The following PLPPR2 variants were observed in gnomAD, a reference collection of about 807,000 sequenced individuals.
PLPPR2 encodes the protein phospholipid phosphatase related 2.
PLPPR2 carries 11 observed loss-of-function variants against 40.3 expected under a neutral mutation model. That is an observed-to-expected ratio of 0.27 (90% CI 0.17 to 0.45). The LOEUF is 0.45. Among genes scored for constraint, PLPPR2 ranks in the 20% least tolerant of loss-of-function variants. The pLI, the probability that PLPPR2 is intolerant of heterozygous loss-of-function variation, is 1.00. For missense variants in PLPPR2, 497 were observed against 640.7 expected (o/e 0.78, Z 2.42); for synonymous variants, 260 against 290.8 (o/e 0.89, Z 1.08).
In PLPPR2 at chr19:11,359,520, G is replaced by T. The variant is rs1205175531; in HGVS notation, c.67-12G>T. Reference sequence around the variant, plus strand: ...CTCTCCGCCACCTCTCCCCGCCCTGGCTTGGTGGCAGTCGGTGCTGCTGGG... The same window carrying T: ...CTCTCCGCCACCTCTCCCCGCCCTGTCTTGGTGGCAGTCGGTGCTGCTGGG... On this transcript the variant is annotated splice_polypyrimidine_tract_variant and intron_variant, in intron 3 of 9. Coordinates refer to ENST00000688289, the MANE Select transcript of PLPPR2 (RefSeq NM_001393892.1). This position sits in a 1 kb window ranked among gnomAD's most constrained non-coding sequence, Gnocchi z 5.6. 6.5e-7 allele frequency: 1 copy of T among 1,527,670 alleles called. No individual in the cohort carries two copies. The highest frequency in any genetic ancestry group is 1.4e-5 in the African/African-American group (1 of 72,620). The allele number at this position is 1,527,670 out of a possible 1,614,324, so 94.6% of individuals were successfully genotyped here.
At chr19:11,357,222 G>C (rs965667516) in intron 2 of PLPPR2, among the ~76,000 whole-genome samples, 2 of 152,080 alleles carry the variant, frequency 1.3e-5, no homozygotes, top group Admixed American at 6.5e-5. Flanking sequence ...TGGAGGAAGC[G>C]ACTCAGGGGA....
rs1282836980 is a variant in PLPPR2, at chr19:11,363,358, G to A, written c.841-355G>A. 6.6e-6 allele frequency among the ~76,000 whole-genome samples: 1 copy of A among 151,992 alleles called. No individual in the cohort carries two copies. Among genetic ancestry groups the A allele is most frequent in the Non-Finnish European group, 1.5e-5 (1 of 68,006 alleles). ...CCAGCTACTCAGGAGGCTGAGGCAA[G>A]AGAGTTGCTTGAATCCAGGAGGTGG... On this transcript the variant is annotated intron_variant, in intron 7 of 9. Transcript: ENST00000688289. This position sits in a 1 kb window ranked among gnomAD's most constrained non-coding sequence, Gnocchi z 4.8.
rs939055906 is a variant in PLPPR2 at position 11,361,088 on chromosome 19, T to C, written c.392-129T>C. 8.2e-7 allele frequency: 1 copy of C among 1,224,298 alleles called. No homozygotes were observed. 75.8% of individuals were successfully genotyped at this position (1,224,298 alleles called of 1,614,324 possible). On this transcript the variant is annotated intron_variant, in intron 5 of 9. Coordinates refer to ENST00000688289, the MANE Select transcript of PLPPR2 (RefSeq NM_001393892.1). This position sits in a 1 kb window ranked among gnomAD's most constrained non-coding sequence, Gnocchi z 6.3. ...TGGTGGTCTTAAAGGAAGGGGGATG[T>C]TGGCACAACTACAGGGTCCCAAGTG...
chr19:11,361,088 T>G lies in PLPPR2; in HGVS notation c.392-129T>G, dbSNP rs939055906. The stretch of plus-strand genomic sequence containing the variant: ...TGGTGGTCTTAAAGGAAGGGGGATG[T>G]TGGCACAACTACAGGGTCCCAAGTG... On this transcript the variant is annotated intron_variant, in intron 5 of 9. Coordinates refer to ENST00000688289, the MANE Select transcript of PLPPR2 (RefSeq NM_001393892.1). This position sits in a 1 kb window ranked among gnomAD's most constrained non-coding sequence, Gnocchi z 6.3. The G allele has an allele frequency of 2.5e-6, 3 of 1,224,180 alleles. No individual in the cohort carries two copies. The African/African-American group carries it at 4.6e-5, about 19-fold the overall frequency. The allele number at this position is 1,224,180 out of a possible 1,614,324, so 75.8% of individuals were successfully genotyped here.
At chr19:11,355,780 G>GT (rs1377272503) in intron 1 of PLPPR2, among the ~76,000 whole-genome samples, 1 of 152,112 alleles carries the variant, frequency 6.6e-6, no homozygotes, top group Admixed American at 6.5e-5. Context: ...GCGGCTGTGG[G>GT]TAACTGTGAT....
rs753287452 is a variant in PLPPR2 at position 11,362,406 on chromosome 19, C to G, written c.664-107C>G. 4.4e-5 allele frequency: 62 copies of G among 1,402,856 alleles called. 1 individual carries two copies. The highest frequency in any genetic ancestry group is 5.1e-5 in the Non-Finnish European group (52 of 1,016,178). 86.9% of individuals were successfully genotyped at this position (1,402,856 alleles called of 1,614,324 possible). On this transcript the variant is annotated intron_variant, in intron 6 of 9. Transcript: ENST00000688289. This position sits in a 1 kb window ranked among gnomAD's most constrained non-coding sequence, Gnocchi z 5.3. Reference sequence around the variant, plus strand: ...CCAACCCTGGAGCCCCTGGCCACTCCCTCCAGCCCCAACGCTCTGGCCATG... The same window carrying G: ...CCAACCCTGGAGCCCCTGGCCACTCGCTCCAGCCCCAACGCTCTGGCCATG...
chr19:11,361,333 G>A lies in PLPPR2; in HGVS notation c.508G>A (p.Gly170Ser). 6.2e-7 allele frequency: 1 copy of A among 1,613,604 alleles called. No individual in the cohort carries two copies. The highest frequency in any genetic ancestry group is 8.5e-7 in the Non-Finnish European group (1 of 1,179,970). ...GTGCCGCCCCAACTACACGGCCCTG[G>A]GCTGCCTGCCACCTTCTCCGGATCG... is the stretch of plus-strand genomic sequence containing the variant. ...SVCRPNYTAL[G>S]CLPPSPDRPG... The change falls in exon 6 of 10, where the codon GGC becomes AGC. Residue 170 changes from glycine to serine, a missense_variant. Physicochemically the swap from Gly to Ser is moderately conservative, Grantham distance 56. Transcript: ENST00000688289. The surrounding 1 kb of genome is among the most constrained non-coding windows in gnomAD (Gnocchi z 6.3).
chr19:11,359,700 A>G lies in PLPPR2; in HGVS notation c.235A>G (p.Thr79Ala). Residue 79 changes from threonine (T) to alanine (A), a missense_variant, in exon 4 of 10, where the codon ACT (threonine) becomes GCT (alanine). Transcript: ENST00000688289. The surrounding 1 kb of genome is among the most constrained non-coding windows in gnomAD (Gnocchi z 5.6). Reference protein sequence around the residue: ...VPPALVYALVTAGPTLTILLG... With the variant: ...VPPALVYALVAAGPTLTILLG... The stretch of plus-strand genomic sequence containing the variant: ...TCCTGCTCTTGTCTACGCACTGGTC[A>G]CTGCCGGGCCCACCCTCACGGTGAG... The G allele has an allele frequency of 6.3e-7, 1 of 1,599,040 alleles. No individual in the cohort carries two copies. The highest frequency in any genetic ancestry group is 1.7e-4 in the Middle Eastern group (1 of 5,998).
Position 11,362,329 on chromosome 19 carries a change from C to CGGGGGGG in PLPPR2, c.664-184_664-183insGGGGGGG. 1.7e-6 allele frequency: 1 copy of CGGGGGGG among 576,862 alleles called. No homozygotes were observed. The highest frequency in any genetic ancestry group is 3.0e-6 in the Non-Finnish European group (1 of 328,102). 35.7% of individuals were successfully genotyped at this position (576,862 alleles called of 1,614,324 possible). On this transcript the variant is annotated intron_variant, in intron 6 of 9. Coordinates refer to ENST00000688289, the MANE Select transcript of PLPPR2 (RefSeq NM_001393892.1). This position sits in a 1 kb window ranked among gnomAD's most constrained non-coding sequence, Gnocchi z 5.3. ...AGACCTCAATCCCTGACCCCCCCCCCTTTGCCTTTTTGGTCACGCTCCCTG... is the reference window on the plus strand; with the variant it reads ...AGACCTCAATCCCTGACCCCCCCCCCGGGGGGGTTTGCCTTTTTGGTCACGCTCCCTG...
At chr19:11,356,528 C>A (rs1422516083) in intron 1 of PLPPR2, among the ~76,000 whole-genome samples, 2 of 152,028 alleles carry the variant, frequency 1.3e-5, no homozygotes, top group African/African-American at 4.8e-5. Flanking sequence ...TATGCAGTGA[C>A]ATGTGTTGTG....
At chr19:11,358,827 G>A (rs1288442682) in intron 3 of PLPPR2, among the ~76,000 whole-genome samples, 2 of 150,804 alleles carry the variant, frequency 1.3e-5, no homozygotes, top group Admixed American at 6.6e-5. Context: ...TGATTCTCCT[G>A]CCTCAGCCTC....
Position 11,364,647 on chromosome 19 carries a change from A to G in PLPPR2, c.1316A>G (p.Asn439Ser), listed in dbSNP as rs1403527805. The change falls in exon 10 of 10, where the codon AAC becomes AGC. Residue 439 changes from asparagine to serine, a missense_variant. Physicochemically the swap from Asn to Ser is conservative, Grantham distance 46. Transcript: ENST00000688289. The surrounding 1 kb of genome is among the most constrained non-coding windows in gnomAD (Gnocchi z 5.8). ...GLYPSPFHRD[N>S]FSPYLFASRD... ...TATCCCTCCCCCTTCCACCGGGACAACTTCAGCCCTTACCTGTTTGCCAGC... is the reference window on the plus strand; with the variant it reads ...TATCCCTCCCCCTTCCACCGGGACAGCTTCAGCCCTTACCTGTTTGCCAGC... The G allele has an allele frequency of 6.5e-7, 1 of 1,536,744 alleles. No individual in the cohort carries two copies. Among genetic ancestry groups the G allele is most frequent in the Admixed American group, 2.0e-5 (1 of 50,950 alleles).
chr19:11,362,546 T>C lies in PLPPR2; in HGVS notation c.697T>C (p.Ser233Pro). Residue 233 changes from serine (S) to proline (P), a missense_variant, in exon 7 of 10, where the codon TCC becomes CCC. By Grantham distance (74) the Ser-to-Pro change is moderately conservative (BLOSUM62 -1). Transcript: ENST00000688289. This position sits in a 1 kb window ranked among gnomAD's most constrained non-coding sequence, Gnocchi z 5.3. ...YVTLVFRVKG[S>P]RLVKPSLCLA... ...GACTCTCGTGTTCCGCGTGAAGGGC[T>C]CCCGCCTGGTCAAACCCTCGCTCTG... 1.2e-6 allele frequency: 2 copies of C among 1,611,698 alleles called. No individual in the cohort carries two copies. The highest frequency in any genetic ancestry group is 1.7e-6 in the Non-Finnish European group (2 of 1,179,984).
At chr19:11,355,729 G>C (rs2144660291) in intron 1 of PLPPR2, among the ~76,000 whole-genome samples, 157 bp downstream of exon 1, 1 of 152,268 alleles carries the variant, frequency 6.6e-6, no homozygotes, top group Admixed American at 6.5e-5. Context: ...CCGGGCTGGG[G>C]GAGGGGACCC....
Position 11,359,515 on chromosome 19 carries a change from C to T in PLPPR2, c.67-17C>T. ...CTTCTCTCTCCGCCACCTCTCCCCG[C>T]CCTGGCTTGGTGGCAGTCGGTGCTG... is the stretch of plus-strand genomic sequence containing the variant. On this transcript the variant is annotated splice_polypyrimidine_tract_variant and intron_variant, in intron 3 of 9. Coordinates refer to ENST00000688289, the MANE Select transcript of PLPPR2 (RefSeq NM_001393892.1). This position sits in a 1 kb window ranked among gnomAD's most constrained non-coding sequence, Gnocchi z 5.6. 2 of 1,525,100 alleles carry T rather than the reference C, an allele frequency of 1.3e-6. No individual in the cohort carries two copies. The highest frequency in any genetic ancestry group is 8.8e-7 in the Non-Finnish European group (1 of 1,132,596). 94.5% of individuals were successfully genotyped at this position (1,525,100 alleles called of 1,614,324 possible). A position where few individuals can be genotyped will look rare whatever the true frequency, so the allele number is the denominator to read the frequency against.
Position 11,364,259 on chromosome 19 carries a change from GGCAGCCA to G in PLPPR2, c.1015+48_1015+54del, listed in dbSNP as rs1159984356. ...GGCTAAACAGGGGGACTTCCAGGTGGGCAGCCACTGCCCCAGAGGTCTCACCTAGGCC... is the reference window on the plus strand; with the variant it reads ...GGCTAAACAGGGGGACTTCCAGGTGGCTGCCCCAGAGGTCTCACCTAGGCC... On this transcript the variant is annotated intron_variant, in intron 9 of 9. Transcript: ENST00000688289. This position sits in a 1 kb window ranked among gnomAD's most constrained non-coding sequence, Gnocchi z 5.8. The G allele has an allele frequency of 1.9e-6, 3 of 1,584,784 alleles. No individual in the cohort carries two copies. The highest frequency in any genetic ancestry group is 2.6e-6 in the Non-Finnish European group (3 of 1,163,518).
Position 11,356,886 on chromosome 19 carries a change from G to C in PLPPR2, c.-105G>C. Reference sequence around the variant, plus strand: ...CAGTTTCCACATCTGCACAATGGGGGTGACCATCCCTGCCCTGCTGGCTGC... The same window carrying C: ...CAGTTTCCACATCTGCACAATGGGGCTGACCATCCCTGCCCTGCTGGCTGC... On this transcript the variant is annotated 5_prime_UTR_variant, in exon 2 of 10. Coordinates refer to ENST00000688289, the MANE Select transcript of PLPPR2 (RefSeq NM_001393892.1). The C allele has an allele frequency of 6.5e-6, 1 of 153,136 alleles. No homozygotes were observed. The highest frequency in any genetic ancestry group is 1.5e-5 in the Non-Finnish European group (1 of 68,380). 9.5% of individuals were successfully genotyped at this position (153,136 alleles called of 1,614,324 possible).
At position 11,364,632 on chromosome 19, in the gene PLPPR2, C is replaced by T; in HGVS notation, c.1301C>T (p.Pro434Leu). Reference protein sequence around the residue: ...LYTLSGLYPSPFHRDNFSPYL... With the variant: ...LYTLSGLYPSLFHRDNFSPYL... ...ACCCTGAGTGGACTCTATCCCTCCCCCTTCCACCGGGACAACTTCAGCCCT... is the reference window on the plus strand; with the variant it reads ...ACCCTGAGTGGACTCTATCCCTCCCTCTTCCACCGGGACAACTTCAGCCCT... The change falls in exon 10 of 10, where the codon CCC (proline) becomes CTC (leucine). Residue 434 changes from proline (P) to leucine (L), a missense_variant. Coordinates refer to ENST00000688289, the MANE Select transcript of PLPPR2 (RefSeq NM_001393892.1). This position sits in a 1 kb window ranked among gnomAD's most constrained non-coding sequence, Gnocchi z 5.8. 6.5e-7 allele frequency: 1 copy of T among 1,537,226 alleles called. No individual in the cohort carries two copies. The highest frequency in any genetic ancestry group is 8.7e-7 in the Non-Finnish European group (1 of 1,146,888).
In PLPPR2 at chr19:11,357,660, G is replaced by T. The variant is rs779696440; in HGVS notation, c.-14G>T. 1 of 1,602,108 alleles carries T rather than the reference G, an allele frequency of 6.2e-7. No homozygotes were observed. The highest frequency in any genetic ancestry group is 1.3e-5 in the African/African-American group (1 of 74,426). On this transcript the variant is annotated splice_region_variant and 5_prime_UTR_variant, in exon 3 of 10. Transcript: ENST00000688289. Reference sequence around the variant, plus strand: ...TCCCACTCCCTCCCCACCTCTGCAGGCCTGGCCTTCACCATGGCGGGAGGG... The same window carrying T: ...TCCCACTCCCTCCCCACCTCTGCAGTCCTGGCCTTCACCATGGCGGGAGGG...
Sources: allele counts gnomAD v4.1 joint callset (sites outside exome capture counted in the v4.1 genomes callset), GRCh38; gene constraint gnomAD v4.1.1; non-coding constraint Gnocchi (gnomAD v3.1); transcripts MANE v1.5; gene names NCBI Gene and HGNC (gene_info 2026-07-23, HGNC 2026-07-21).